The following HTR4 variants were observed in gnomAD, a reference collection of about 807,000 sequenced individuals.
HTR4 encodes 5-hydroxytryptamine receptor 4, also known as 5-hydroxytryptamine (serotonin) receptor 4, G protein-coupled.
Under a neutral mutation model 36.8 loss-of-function variants are expected in HTR4, and 16 were observed. The observed-to-expected ratio is 0.43, with a 90% CI of 0.29 to 0.66. The LOEUF is 0.66. Ranked by LOEUF, HTR4 falls within the 30% of genes least tolerant of loss-of-function variation. The pLI is 0.13. For synonymous variants in HTR4, 189 were observed against 185.1 expected, an observed-to-expected ratio of 1.02 and a Z score of -0.17; for missense variants, 438 against 490.9, an observed-to-expected ratio of 0.89 and a Z score of 1.02.
chr5:148,519,451 A>G (rs1757912039), intron 5 of HTR4, among the ~76,000 whole-genome samples: 1 of 152,214 alleles, frequency 6.6e-6, no homozygotes, highest in Admixed American at 6.6e-5. Flanking sequence ...CATTGAGCAA[A>G]GGAAGAAAGT....
downstream of HTR4, chr5:148,476,702 A>C (rs1755708791): frequency 6.2e-7 from 1 of 1,610,670 alleles, no homozygotes; most frequent in Non-Finnish European, 8.5e-7. Context: ...AAGAAAAAAA[A>C]ATGAGCAATA....
chr5:148,543,898 A>G (rs1050307474), intron 4 of HTR4, among the ~76,000 whole-genome samples: 45 of 152,160 alleles, frequency 3.0e-4, no homozygotes, highest in African/African-American at 1.1e-3. Context: ...GAGAGAACAC[A>G]CTGGTCAGGA....
intron 5 of HTR4, among the ~76,000 whole-genome samples, chr5:148,455,601 G>A (rs1176745533): frequency 1.3e-5 from 2 of 152,180 alleles, no homozygotes; most frequent in Admixed American, 1.3e-4. Context: ...GGATATGAGA[G>A]TAAGCAGATG....
At chr5:148,598,550 T>TA (rs1235413490) in intron 2 of HTR4, among the ~76,000 whole-genome samples, 42 of 146,790 alleles carry the variant, frequency 2.9e-4, no homozygotes, top group East Asian at 1.6e-3. Context: ...AGACTCTGTC[T>TA]AAAAAAAAAA....
In HTR4 at chr5:148,608,492, AT is replaced by A. The variant is rs1752274340; in HGVS notation, c.26+28496del. Among the ~76,000 whole-genome samples, 6 of 152,328 alleles carry A rather than the reference AT, an allele frequency of 3.9e-5. No homozygotes were observed. In the South Asian group the frequency reaches 1.2e-3, roughly 32 times the overall value. On this transcript the variant is annotated intron_variant, in intron 2 of 6. Transcript: ENST00000377888. ...TGCCATTTATGGAAAAATGGAAGTA[AT>A]GCATTAGAACTGGAATACGGGCCGT...
intron 5 of HTR4, among the ~76,000 whole-genome samples, chr5:148,522,466 T>A (rs1246993335): frequency 1.3e-5 from 2 of 152,192 alleles, no homozygotes; most frequent in African/African-American, 4.8e-5. Context: ...GGTTTTCTCA[T>A]CTGAGAAATG....
chr5:148,469,218 G>A (rs1057342469), intron 5 of HTR4, among the ~76,000 whole-genome samples: 1 of 152,096 alleles, frequency 6.6e-6, no homozygotes, highest in Admixed American at 6.6e-5. Flanking sequence ...CTGAGCTAAA[G>A]CTGGTTTAAG....
At chr5:148,457,165 G>A (rs965948729) in intron 5 of HTR4, among the ~76,000 whole-genome samples, 4 of 151,746 alleles carry the variant, frequency 2.6e-5, no homozygotes, top group African/African-American at 9.7e-5. Context: ...TGTCAGAGTG[G>A]CAAAAGTCTC....
At chr5:148,626,212 G>A (rs946227546) in intron 2 of HTR4, among the ~76,000 whole-genome samples, 3 of 152,196 alleles carry the variant, frequency 2.0e-5, no homozygotes, top group African/African-American at 4.8e-5. Context: ...ACTCTGTGGC[G>A]TGACTCAATT....
At chr5:148,557,580 A>T (rs548303843) in intron 2 of HTR4, among the ~76,000 whole-genome samples, 1 of 152,034 alleles carries the variant, frequency 6.6e-6, no homozygotes, top group East Asian at 1.9e-4. Flanking sequence ...GAAGGATGTG[A>T]TCACCCAAGA....
intron 1 of HTR4, among the ~76,000 whole-genome samples, chr5:148,651,535 C>T (rs1754034842): frequency 6.6e-6 from 1 of 151,818 alleles, no homozygotes; most frequent in South Asian, 2.1e-4. Context: ...TCTGGTTGTC[C>T]CAAGTAGGGG....
intron 5 of HTR4, among the ~76,000 whole-genome samples, chr5:148,465,125 A>G (rs6878503): frequency 0.041 from 6,254 of 152,250 alleles, 441 homozygotes; most frequent in African/African-American, 0.14. Context: ...TTAGGGCAAT[A>G]AAATTATTCT....
Position 148,483,249 on chromosome 5 carries a change from G to C in HTR4, c.1121C>G (p.Pro374Arg), listed in dbSNP as rs1006132592. ...AGCCACCAAAGGAGAAGTTGCTGGC[G>C]GGTGACACTGACTCTCCCACTGGCC... ...CGGQWESQCH[P>R]PATSPLVAAQ... Residue 374 changes from proline (P) to arginine (R), a missense_variant, in exon 7 of 7, where the codon CCG (proline) becomes CGG (arginine). By Grantham distance (103) the Pro-to-Arg change is moderately radical (BLOSUM62 -2). Transcript: ENST00000377888. 16 of 1,613,818 alleles carry C rather than the reference G, an allele frequency of 9.9e-6. No individual in the cohort carries two copies. The highest frequency in any genetic ancestry group is 1.4e-5 in the Non-Finnish European group (16 of 1,179,938).
intron 5 of HTR4, among the ~76,000 whole-genome samples, chr5:148,463,882 A>G (rs2113696348): frequency 6.6e-6 from 1 of 152,300 alleles, no homozygotes; most frequent in East Asian, 1.9e-4. Context: ...GCCAAAGAAT[A>G]GACAAAGAGA....
intron 4 of HTR4, among the ~76,000 whole-genome samples, chr5:148,526,733 A>G (rs1444785160): frequency 6.6e-6 from 1 of 152,116 alleles, no homozygotes; most frequent in Non-Finnish European, 1.5e-5. Flanking sequence ...AGCAGCATGG[A>G]TGGAACTGGA....
intron 5 of HTR4, among the ~76,000 whole-genome samples, chr5:148,457,937 TTTTAAG>T (rs1346186555): frequency 3.0e-5 from 4 of 133,076 alleles, no homozygotes; most frequent in African/African-American, 1.1e-4. Context: ...ATATATTATA[TTTTAAG>T]ATATATTAAA....
chr5:148,653,796 T>C (rs1451109063), intron 1 of HTR4, among the ~76,000 whole-genome samples: 1 of 152,102 alleles, frequency 6.6e-6, no homozygotes. Context: ...TGAGCACACA[T>C]GCAGTTTCAC....
At chr5:148,600,078 A>T (rs1428288324) in intron 2 of HTR4, among the ~76,000 whole-genome samples, 1 of 151,414 alleles carries the variant, frequency 6.6e-6, no homozygotes, top group Admixed American at 6.6e-5. Context: ...AAATAATTAT[A>T]AAAAAGGACA....
intron 5 of HTR4, among the ~76,000 whole-genome samples, chr5:148,521,582 G>C (rs202160065): frequency 4.6e-5 from 7 of 151,694 alleles, no homozygotes; most frequent in Non-Finnish European, 2.9e-5. Flanking sequence ...TGTAGATCTT[G>C]TTACTGGTAA....
Sources: gnomAD v4.1 joint callset for allele counts (sites outside exome capture counted in the v4.1 genomes callset) on GRCh38, gnomAD v4.1.1 for gene constraint, MANE v1.5 for transcripts, NCBI Gene and HGNC (gene_info 2026-07-23, HGNC 2026-07-21) for gene names.